The following NCOA2 variants were observed in gnomAD, a reference collection of about 807,000 sequenced individuals.
The protein encoded by NCOA2 is nuclear receptor coactivator 2, also known as class E basic helix-loop-helix protein 75.
In NCOA2, 21 loss-of-function variants were observed where a neutral mutation model predicts 145.1. The ratio of observed to expected loss-of-function variants is 0.14; its 90% CI spans 0.10 to 0.21. NCOA2 has a LOEUF of 0.21. NCOA2 is among the 10% of genes least tolerant of loss of function. The pLI is 1.00. For synonymous variants in NCOA2, 619 were observed against 637.5 expected, an observed-to-expected ratio of 0.97 and a Z score of 0.44; for missense variants, 1,472 against 1,837.6, an observed-to-expected ratio of 0.80 and a Z score of 3.64.
intron 16 of NCOA2, 62 bp downstream of exon 16, chr8:70,131,775 A>T: frequency 6.7e-7 from 1 of 1,501,138 alleles, no homozygotes; most frequent in Non-Finnish European, 8.9e-7. Flanking sequence ...TGTAAACAGA[A>T]AATGGACACC....
At chr8:70,410,722 A>G in the NCOA2 span, among the ~76,000 whole-genome samples, 1 of 152,242 alleles carries the variant, frequency 6.6e-6, no homozygotes, top group East Asian at 1.9e-4. Context: ...ATAGTACTCA[A>G]CAATACAAGG....
chr8:70,430,897 T>G, the NCOA2 span, among the ~76,000 whole-genome samples: 348 of 152,266 alleles, frequency 2.3e-3, 1 homozygote, highest in African/African-American at 8.1e-3. Context: ...AAATAACGGG[T>G]TTTTTTCTAC....
intron 5 of NCOA2, among the ~76,000 whole-genome samples, chr8:70,171,903 A>G (rs1233000484): frequency 6.6e-6 from 1 of 152,174 alleles, no homozygotes; most frequent in African/African-American, 2.4e-5. Flanking sequence ...GGCTCACTGC[A>G]GCCTTCACCT....
Position 70,403,782 on chromosome 8 carries a change from C to A in NCOA2, c.-159G>T. On this transcript the variant is annotated 5_prime_UTR_variant, in exon 1 of 23. Transcript: ENST00000452400. ...CCGAAGCTGTAGCCGAGGCTGCGGC[C>A]GCCATGTTCCCGTGTTAATAACTGC... The A allele has an allele frequency of 2.5e-6, 1 of 397,990 alleles. No homozygotes were observed. Among genetic ancestry groups the A allele is most frequent in the East Asian group, 3.6e-5 (1 of 28,050 alleles). 24.7% of individuals were successfully genotyped at this position (397,990 alleles called of 1,614,324 possible).
chr8:70,330,361 G>A (rs957289978), intron 1 of NCOA2, among the ~76,000 whole-genome samples: 2 of 151,988 alleles, frequency 1.3e-5, no homozygotes, highest in Non-Finnish European at 2.9e-5. Flanking sequence ...CTTGAGGCCA[G>A]GAATTCAAGA....
At chr8:70,173,194 ATCTAGCAATCTGATT>A (rs919063425) in intron 5 of NCOA2, among the ~76,000 whole-genome samples, 2 of 152,264 alleles carry the variant, frequency 1.3e-5, no homozygotes, top group African/African-American at 4.8e-5. Flanking sequence ...GTCTACTGAC[ATCTAGCAATCTGATT>A]TCTACAATTA....
At chr8:70,148,567 C>T in intron 11 of NCOA2, 84 bp from the exon 12 acceptor site, 1 of 1,201,710 alleles carries the variant, frequency 8.3e-7, no homozygotes, top group Non-Finnish European at 1.2e-6. Context: ...GACCTAACTG[C>T]CATAAGGCAC....
intron 1 of NCOA2, among the ~76,000 whole-genome samples, chr8:70,304,993 A>T (rs1402698722): frequency 6.7e-6 from 1 of 150,250 alleles, no homozygotes; most frequent in East Asian, 2.0e-4. Flanking sequence ...AGTAGCTAGG[A>T]CTATATTAGG....
intron 4 of NCOA2, among the ~76,000 whole-genome samples, chr8:70,209,440 T>C (rs992167612): frequency 6.6e-5 from 10 of 152,240 alleles, no homozygotes; most frequent in African/African-American, 7.2e-5. Context: ...GATTCCAATT[T>C]TGAAAGTTCT....
At chr8:70,320,729 CTG>C (rs1805979737) in intron 1 of NCOA2, among the ~76,000 whole-genome samples, 1 of 151,946 alleles carries the variant, frequency 6.6e-6, no homozygotes, top group Non-Finnish European at 1.5e-5. Flanking sequence ...ATCTGATACT[CTG>C]TTAAAAAAAA....
chr8:70,176,854 G>A (rs903678906), intron 4 of NCOA2, among the ~76,000 whole-genome samples: 21 of 152,214 alleles, frequency 1.4e-4, no homozygotes, highest in Non-Finnish European at 2.9e-4. Flanking sequence ...CTTCTTGGAT[G>A]TGGACAGGGT....
intron 1 of NCOA2, among the ~76,000 whole-genome samples, chr8:70,377,063 TG>T (rs1282146933): frequency 8.4e-5 from 9 of 107,184 alleles, no homozygotes; most frequent in African/African-American, 6.9e-4. Flanking sequence ...TTATACGTTG[TG>T]TTTTTTTTTT....
rs1805730879 is a variant in NCOA2, at chr8:70,317,854, A to C, written c.-76-21054T>G. ...GCAGGAGGACTGCTTGAGGCCAGGAATTCGAGGCTGCAGTGAGCTACGATC... is the reference window on the plus strand; with the variant it reads ...GCAGGAGGACTGCTTGAGGCCAGGACTTCGAGGCTGCAGTGAGCTACGATC... On this transcript the variant is annotated intron_variant, in intron 1 of 22. Transcript: ENST00000452400. Among the ~76,000 whole-genome samples the C allele has an allele frequency of 2.6e-5, 4 of 152,196 alleles. No individual in the cohort carries two copies. In the South Asian group the frequency reaches 8.3e-4, roughly 32 times the overall value.
At position 70,213,903 on chromosome 8, in the gene NCOA2, C is replaced by A; in HGVS notation, c.259G>T (p.Glu87Ter). 1 of 1,582,956 alleles carries A rather than the reference C, an allele frequency of 6.3e-7. No homozygotes were observed. The highest frequency in any genetic ancestry group is 8.6e-7 in the Non-Finnish European group (1 of 1,164,750). The stretch of plus-strand genomic sequence containing the variant: ...CAAAATACTAATTCAGTCCTCTTAC[C>A]TTGTTCTTTGATCTGACGAATTTGC... ...VKQIRQIKEQ[E>*]KAAAANIDEV... Residue 87 changes from glutamate to a stop codon, truncating the protein, a stop_gained and splice_region_variant, in exon 4 of 23, where the codon GAG becomes TAG. Coordinates refer to ENST00000452400, the MANE Select transcript of NCOA2 (RefSeq NM_006540.4). LOFTEE classifies it high-confidence loss of function.
At chr8:70,123,686 G>A (rs1050062232) in intron 21 of NCOA2, 198 bp downstream of exon 21, 21 of 437,660 alleles carry the variant, frequency 4.8e-5, no homozygotes, top group African/African-American at 3.8e-4. Context: ...AAGCAGTCAG[G>A]AATCCTTTCT....
rs1809164322 is a variant in NCOA2 at position 70,131,933 on chromosome 8, C to T, written c.3228G>A (p.Glu1076=). 1 of 1,610,980 alleles carries T rather than the reference C, an allele frequency of 6.2e-7. No individual in the cohort carries two copies. The highest frequency in any genetic ancestry group is 2.2e-5 in the East Asian group (1 of 44,790). The change falls in exon 16 of 23, where the codon GAG becomes GAA. Residue 1076 remains glutamate, a synonymous_variant. Coordinates refer to ENST00000452400, the MANE Select transcript of NCOA2 (RefSeq NM_006540.4). ...PHPAAESPSD[E]GALLDQLYLA... Reference sequence around the variant, plus strand: ...GATACAGCTGGTCCAGGAGAGCTCCCTCATCACTCGGAGACTCAGCTGCAG... The same window carrying T: ...GATACAGCTGGTCCAGGAGAGCTCCTTCATCACTCGGAGACTCAGCTGCAG...
At chr8:70,415,243 C>T in the NCOA2 span, among the ~76,000 whole-genome samples, 1 of 151,784 alleles carries the variant, frequency 6.6e-6, no homozygotes. Context: ...GTGTGAGGAT[C>T]GCTTGAACCC....
chr8:70,264,405 G>A (rs927108375), intron 2 of NCOA2, among the ~76,000 whole-genome samples: 1 of 151,934 alleles, frequency 6.6e-6, no homozygotes, highest in Non-Finnish European at 1.5e-5. Context: ...TGAGGTGGGT[G>A]GATCCCCTGA....
chr8:70,138,081 T>C, intron 15 of NCOA2, 122 bp downstream of exon 15: 2 of 1,062,794 alleles, frequency 1.9e-6, no homozygotes, highest in Non-Finnish European at 1.3e-6. Flanking sequence ...CTTCATGCAC[T>C]GCACAGTAGA....
Sources: gnomAD v4.1 joint callset for allele counts (sites outside exome capture counted in the v4.1 genomes callset) on GRCh38, gnomAD v4.1.1 for gene constraint, MANE v1.5 for transcripts, NCBI Gene and HGNC (gene_info 2026-07-23, HGNC 2026-07-21) for gene names.